TEX11: variants seen among roughly 807,000 people sequenced by gnomAD.
TEX11 encodes the protein testis expressed 11, also known as testis-expressed protein 11.
A neutral mutation model predicts 84.4 loss-of-function variants in TEX11; 7 were observed. The observed-to-expected ratio is 0.08, with a 90% CI of 0.05 to 0.16. The LOEUF is 0.16. Among genes scored for constraint, TEX11 ranks in the 10% least tolerant of loss-of-function variants. The pLI is 1.00. For synonymous variants in TEX11, 264 were observed against 222.8 expected (o/e 1.18, Z -1.64); for missense variants, 551 against 660.5 (o/e 0.83, Z 1.82).
Position 70,624,952 on chromosome X carries a change from A to G in TEX11, c.1609-28T>C, listed in dbSNP as rs772657112. 3.8e-6 allele frequency: 4 copies of G among 1,052,540 alleles called. No individual in the cohort carries two copies. In the African/African-American group the frequency reaches 7.4e-5, roughly 20 times the overall value. 86.7% of individuals were successfully genotyped at this position (1,052,540 alleles called of 1,213,427 possible). A position where few individuals can be genotyped will look rare whatever the true frequency, so the allele number is the denominator to read the frequency against. On this transcript the variant is annotated intron_variant, in intron 18 of 29. Coordinates refer to ENST00000374333, the MANE Select transcript of TEX11 (RefSeq NM_031276.3). ...AAAAAGAACAAATATAATACGTTAA[A>G]TTACATCTCAAAGTGATACTGCAAA...
intron 9 of TEX11, among the ~76,000 whole-genome samples, chrX:70,787,457 A>G (rs2091086776): frequency 9.0e-6 from 1 of 110,650 alleles, no homozygotes; most frequent in Admixed American, 9.7e-5. Context: ...CAGACTCCCA[A>G]GTATCTGGGA....
chrX:70,711,253 G>C (rs1298747938), intron 13 of TEX11, among the ~76,000 whole-genome samples: 2 of 111,621 alleles, frequency 1.8e-5, no homozygotes, highest in Non-Finnish European at 3.8e-5. Context: ...AAACATACGT[G>C]TACATGTGTC....
intron 8 of TEX11, among the ~76,000 whole-genome samples, chrX:70,812,424 G>T (rs2091261798): frequency 9.1e-6 from 1 of 110,455 alleles, no homozygotes; most frequent in Admixed American, 9.7e-5. Context: ...AGCCAGGATG[G>T]TCTCGATCTC....
At chrX:70,826,364 C>T (rs1372641953) in intron 8 of TEX11, among the ~76,000 whole-genome samples, 2 of 110,667 alleles carry the variant, frequency 1.8e-5, no homozygotes, top group African/African-American at 6.6e-5. Context: ...GGAATAAAAG[C>T]CTGCATTGTT....
At chrX:70,624,725 C>A in intron 19 of TEX11, 114 bp downstream of exon 19, 1 of 524,543 alleles carries the variant, frequency 1.9e-6, no homozygotes, top group Non-Finnish European at 3.0e-6. Context: ...TCCTCTGCTT[C>A]GCTATTTTAT....
At chrX:70,636,130 C>T (rs2089569684) in intron 17 of TEX11, among the ~76,000 whole-genome samples, 1 of 110,787 alleles carries the variant, frequency 9.0e-6, no homozygotes, top group African/African-American at 3.3e-5. Flanking sequence ...AGCCTCCAGG[C>T]TAGCATACAC....
intron 9 of TEX11, among the ~76,000 whole-genome samples, chrX:70,801,948 A>G (rs1324563334): frequency 9.0e-6 from 1 of 111,520 alleles, no homozygotes; most frequent in Non-Finnish European, 1.9e-5. Context: ...CTGATGAAAT[A>G]AAGAATCCAG....
intron 14 of TEX11, 40 bp from the exon 15 acceptor site, chrX:70,678,929 C>A: frequency 9.3e-7 from 1 of 1,072,339 alleles, no homozygotes; most frequent in Non-Finnish European, 1.3e-6. Context: ...GAATCTCGGT[C>A]TATTGTCTCC....
intron 24 of TEX11, among the ~76,000 whole-genome samples, chrX:70,600,201 C>T (rs1289861598): frequency 5.4e-5 from 6 of 111,610 alleles, no homozygotes; most frequent in Non-Finnish European, 7.5e-5. Flanking sequence ...GACTTTTTAA[C>T]GATTGCCATT....
intron 11 of TEX11, among the ~76,000 whole-genome samples, chrX:70,732,892 C>T (rs2090665437): frequency 8.9e-6 from 1 of 112,035 alleles, no homozygotes; most frequent in African/African-American, 3.2e-5. Flanking sequence ...CGCTACCTGA[C>T]TTCAAACTAT....
intron 11 of TEX11, among the ~76,000 whole-genome samples, chrX:70,727,865 TC>T (rs745713375): frequency 1.2e-4 from 13 of 111,936 alleles, no homozygotes; most frequent in African/African-American, 4.2e-4. Flanking sequence ...GGTATTTTGA[TC>T]TTGGACATCT....
intron 9 of TEX11, among the ~76,000 whole-genome samples, chrX:70,760,233 T>C (rs1186768218): frequency 1.8e-5 from 2 of 111,883 alleles, no homozygotes; most frequent in South Asian, 7.5e-4. Context: ...AAGCTACCAA[T>C]GACTTTCTTC....
intron 25 of TEX11, among the ~76,000 whole-genome samples, chrX:70,560,051 G>A (rs768615926): frequency 1.5e-4 from 17 of 111,157 alleles, no homozygotes; most frequent in East Asian, 2.8e-4. Context: ...AGGGTGCAGC[G>A]GCTTCTCAAT....
intron 13 of TEX11, among the ~76,000 whole-genome samples, chrX:70,721,217 C>A (rs770794915): frequency 1.8e-5 from 2 of 111,033 alleles, no homozygotes; most frequent in East Asian, 5.6e-4. Flanking sequence ...ATCACATTGC[C>A]CCTTCTCCCT....
chrX:70,830,225 T>C (rs1441335209), intron 8 of TEX11, among the ~76,000 whole-genome samples: 1 of 111,145 alleles, frequency 9.0e-6, no homozygotes, highest in African/African-American at 3.3e-5. Flanking sequence ...TATACTTATA[T>C]CAGACAAAAT....
At chrX:70,751,349 T>C (rs1175916577) in intron 9 of TEX11, among the ~76,000 whole-genome samples, 1 of 106,670 alleles carries the variant, frequency 9.4e-6, no homozygotes, top group Non-Finnish European at 1.9e-5. Context: ...TGGATGAAGC[T>C]GGAAACCATC....
At chrX:70,871,167 C>A (rs1009628229) in intron 4 of TEX11, among the ~76,000 whole-genome samples, 3 of 112,747 alleles carry the variant, frequency 2.7e-5, no homozygotes, top group Non-Finnish European at 3.7e-5. Context: ...CTCACCTAGG[C>A]CTCCCAAAGT....
At chrX:70,835,351 C>T (rs1027169738) in intron 7 of TEX11, among the ~76,000 whole-genome samples, 1 of 112,398 alleles carries the variant, frequency 8.9e-6, no homozygotes, top group Non-Finnish European at 1.9e-5. Context: ...ATAATTCAGG[C>T]TACTTTTGAA....
intron 8 of TEX11, among the ~76,000 whole-genome samples, chrX:70,831,522 G>C (rs927151243): frequency 3.6e-5 from 4 of 111,173 alleles, no homozygotes; most frequent in Non-Finnish European, 5.7e-5. Flanking sequence ...CCAGCTACTC[G>C]AGAGGCTGAG....
Sources: gnomAD v4.1 joint callset for allele counts (sites outside exome capture counted in the v4.1 genomes callset) on GRCh38, gnomAD v4.1.1 for gene constraint, MANE v1.5 for transcripts, NCBI Gene and HGNC (gene_info 2026-07-23, HGNC 2026-07-21) for gene names.